Variants in RPS6KC1 observed in about 807,000 individuals in gnomAD.
RPS6KC1 encodes ribosomal protein S6 kinase C1, also known as inactive ribosomal protein S6 kinase delta-1.
RPS6KC1 carries 54 observed loss-of-function variants against 103.8 expected under a neutral mutation model. That is an observed-to-expected ratio of 0.52 (90% CI 0.42 to 0.65). RPS6KC1 has a LOEUF of 0.65. Among genes scored for constraint, RPS6KC1 ranks in the 30% least tolerant of loss-of-function variants. The probability of loss-of-function intolerance (pLI) is 0.00; values close to 1 mark genes in which losing one functional copy is unlikely to be tolerated. For missense variants in RPS6KC1, 1,151 were observed against 1,253.8 expected, an observed-to-expected ratio of 0.92 and a Z score of 1.24; for synonymous variants, 439 against 438.7, an observed-to-expected ratio of 1.00 and a Z score of -0.01.
intron 1 of RPS6KC1, among the ~76,000 whole-genome samples, chr1:213,063,732 T>C (rs2078047992): frequency 6.6e-6 from 1 of 152,208 alleles, no homozygotes; most frequent in Non-Finnish European, 1.5e-5. Context: ...TTACTAGGCA[T>C]ATTAATGTAT....
At chr1:213,537,254 C>A in the RPS6KC1 span, among the ~76,000 whole-genome samples, 1 of 152,154 alleles carries the variant, frequency 6.6e-6, no homozygotes, top group Admixed American at 6.5e-5. Flanking sequence ...CCTGAATTCC[C>A]TAGTTTGGAA....
chr1:213,332,245 C>A, the RPS6KC1 span, among the ~76,000 whole-genome samples: 1 of 152,204 alleles, frequency 6.6e-6, no homozygotes, highest in Admixed American at 6.5e-5. Context: ...TCATGGCACA[C>A]TGTACATCGT....
intron 6 of RPS6KC1, among the ~76,000 whole-genome samples, chr1:213,133,813 G>A (rs1280571777): frequency 6.6e-6 from 1 of 152,086 alleles, no homozygotes; most frequent in African/African-American, 2.4e-5. Flanking sequence ...TTTTAATCTA[G>A]GTCTTTCTGA....
chr1:213,660,078 T>C, the RPS6KC1 span, among the ~76,000 whole-genome samples: 10 of 152,204 alleles, frequency 6.6e-5, no homozygotes, highest in Non-Finnish European at 1.3e-4. Flanking sequence ...AGGTATTCTG[T>C]TGGAGATCCG....
chr1:213,720,178 A>G, the RPS6KC1 span, among the ~76,000 whole-genome samples: 1 of 152,204 alleles, frequency 6.6e-6, no homozygotes, highest in African/African-American at 2.4e-5. Flanking sequence ...GCTTTCTTCC[A>G]CTATATTGAA....
chr1:213,593,508 A>G, the RPS6KC1 span, among the ~76,000 whole-genome samples: 1 of 152,226 alleles, frequency 6.6e-6, no homozygotes, highest in Non-Finnish European at 1.5e-5. Context: ...TACACATAAA[A>G]GTAGTTCAGA....
chr1:213,091,310 T>A (rs2080944196), intron 3 of RPS6KC1, among the ~76,000 whole-genome samples: 1 of 152,164 alleles, frequency 6.6e-6, no homozygotes, highest in Non-Finnish European at 1.5e-5. Flanking sequence ...TCTGCCTGCC[T>A]CAGCCTCCCA....
At chr1:213,474,217 C>T in the RPS6KC1 span, among the ~76,000 whole-genome samples, 1 of 152,148 alleles carries the variant, frequency 6.6e-6, no homozygotes, top group African/African-American at 2.4e-5. Context: ...CCTGGGGTTG[C>T]TCGGTGGATG....
chr1:213,159,076 A>G (rs1199761148), intron 6 of RPS6KC1, among the ~76,000 whole-genome samples: 5 of 152,090 alleles, frequency 3.3e-5, no homozygotes, highest in Admixed American at 3.3e-4. Flanking sequence ...ATTTCAAGAT[A>G]TATGTTTGGT....
At chr1:213,700,266 A>G in the RPS6KC1 span, among the ~76,000 whole-genome samples, 24 of 152,042 alleles carry the variant, frequency 1.6e-4, no homozygotes, top group African/African-American at 5.8e-4. Context: ...TTTTCTGCAC[A>G]TAAATATCCT....
the RPS6KC1 span, among the ~76,000 whole-genome samples, chr1:213,498,772 A>ATTTTTTTTTTTTTTTTTT: frequency 8.9e-6 from 1 of 112,026 alleles, no homozygotes; most frequent in Non-Finnish European, 1.9e-5. Flanking sequence ...GTTTTCTAAG[A>ATTTTTTTTTTTTTTTTTT]TTTTTTTTTT....
At chr1:213,446,376 A>G in the RPS6KC1 span, among the ~76,000 whole-genome samples, 1 of 152,168 alleles carries the variant, frequency 6.6e-6, no homozygotes. Flanking sequence ...ATTTATTTTT[A>G]AGGGATTGGC....
chr1:213,752,201 C>G, the RPS6KC1 span, among the ~76,000 whole-genome samples: 184 of 152,164 alleles, frequency 1.2e-3, 1 homozygote, highest in Middle Eastern at 0.01. Flanking sequence ...CTGTTGGGAC[C>G]ATCTTCAGAT....
chr1:213,671,604 C>T, the RPS6KC1 span, among the ~76,000 whole-genome samples: 4 of 152,020 alleles, frequency 2.6e-5, no homozygotes, highest in East Asian at 1.9e-4. Flanking sequence ...GCCAACATGG[C>T]GAAATGCCAT....
In RPS6KC1 at chr1:213,150,210, CTTCT is replaced by C. The variant is rs2088504194; in HGVS notation, c.836-17640_836-17637del. Among the ~76,000 whole-genome samples the C allele has an allele frequency of 2.6e-5, 4 of 151,988 alleles. No homozygotes were observed. In the South Asian group the frequency reaches 8.3e-4, roughly 32 times the overall value. On this transcript the variant is annotated intron_variant, in intron 6 of 14. Coordinates refer to ENST00000366960, the MANE Select transcript of RPS6KC1 (RefSeq NM_012424.6). ...TTTTTCTGGTGGTTTAGTGGTCTTTCTTCTTTCTTTCCTTCCTGTCTTCCTCTAG... is the reference window on the plus strand; with the variant it reads ...TTTTTCTGGTGGTTTAGTGGTCTTTCTTCTTTCCTTCCTGTCTTCCTCTAG...
intron 5 of RPS6KC1, among the ~76,000 whole-genome samples, chr1:213,125,613 CTT>C (rs1301156772): frequency 3.0e-5 from 4 of 134,604 alleles, no homozygotes; most frequent in Non-Finnish European, 4.7e-5. Flanking sequence ...ATAAATTTCT[CTT>C]TTTTATCTGC....
At chr1:213,669,696 C>A in the RPS6KC1 span, among the ~76,000 whole-genome samples, 1 of 152,076 alleles carries the variant, frequency 6.6e-6, no homozygotes, top group African/African-American at 2.4e-5. Context: ...TGAGGTTTGC[C>A]CATCATTCAC....
chr1:213,225,748 G>C (rs2093945631), intron 8 of RPS6KC1, among the ~76,000 whole-genome samples: 1 of 152,152 alleles, frequency 6.6e-6, no homozygotes, highest in South Asian at 2.1e-4. Context: ...TCAGTAAGGA[G>C]GTATCACTCC....
At chr1:213,798,045 T>G in the RPS6KC1 span, among the ~76,000 whole-genome samples, 1 of 152,252 alleles carries the variant, frequency 6.6e-6, no homozygotes, top group Admixed American at 6.5e-5. Flanking sequence ...GGAGATAGTC[T>G]CTTGGAATTC....
Sources: allele counts gnomAD v4.1 joint callset (sites outside exome capture counted in the v4.1 genomes callset), GRCh38; gene constraint gnomAD v4.1.1; transcripts MANE v1.5; gene names NCBI Gene and HGNC (gene_info 2026-07-23, HGNC 2026-07-21).